The following RGS6 variants were observed in gnomAD, a reference collection of about 807,000 sequenced individuals.
The protein encoded by RGS6 is regulator of G-protein signaling 6.
Under a neutral mutation model 78.5 loss-of-function variants are expected in RGS6, and 30 were observed. The ratio of observed to expected loss-of-function variants is 0.38; its 90% CI spans 0.29 to 0.52. The LOEUF (loss-of-function observed/expected upper bound fraction) is 0.52, where lower values mean the gene tolerates loss of function less well. RGS6 is among the 20% of genes least tolerant of loss of function. The pLI, the probability that RGS6 is intolerant of heterozygous loss-of-function variation, is 0.85. For synonymous variants in RGS6, 206 were observed against 206.0 expected, an observed-to-expected ratio of 1.00 and a Z score of 0.00; for missense variants, 495 against 609.7, an observed-to-expected ratio of 0.81 and a Z score of 1.98.
intron 2 of RGS6, among the ~76,000 whole-genome samples, chr14:72,212,319 A>G (rs1237208899): frequency 6.6e-6 from 1 of 152,160 alleles, no homozygotes; most frequent in African/African-American, 2.4e-5. Flanking sequence ...TGATATTGAT[A>G]ACCTAAGCAA....
chr14:72,170,516 C>T (rs1270003369), intron 2 of RGS6, among the ~76,000 whole-genome samples: 3 of 152,136 alleles, frequency 2.0e-5, no homozygotes, highest in Admixed American at 6.6e-5. Flanking sequence ...TGCACAATTC[C>T]TATGAGAGCC....
At position 72,268,601 on chromosome 14, in the gene RGS6, C is replaced by T. The variant is rs977408102; in HGVS notation, c.85-83494C>T. On this transcript the variant is annotated intron_variant, in intron 2 of 17. Coordinates refer to ENST00000553525, the MANE Select transcript of RGS6 (RefSeq NM_001204424.2). ...ATGTGACTTTTCAGTCATTTTCACC[C>T]GAAATAGGATTTCATTCACCAGTTA... 1.3e-5 allele frequency among the ~76,000 whole-genome samples: 2 copies of T among 152,162 alleles called. 1 individual carries two copies. Among genetic ancestry groups the T allele is most frequent in the South Asian group, 4.1e-4 (2 of 4,824 alleles).
chr14:72,177,784 A>G (rs1398369897), intron 2 of RGS6, among the ~76,000 whole-genome samples: 1 of 152,204 alleles, frequency 6.6e-6, no homozygotes, highest in African/African-American at 2.4e-5. Context: ...GTTGTAAATG[A>G]CCAATTCTAG....
chr14:72,282,004 A>G (rs1486665073), intron 2 of RGS6, among the ~76,000 whole-genome samples: 1 of 152,214 alleles, frequency 6.6e-6, no homozygotes, highest in Admixed American at 6.5e-5. Flanking sequence ...GCTGCTATAA[A>G]ACTATCACTT....
chr14:72,134,385 T>C (rs1345971388), intron 2 of RGS6, among the ~76,000 whole-genome samples: 1 of 152,268 alleles, frequency 6.6e-6, no homozygotes, highest in African/African-American at 2.4e-5. Flanking sequence ...AGTCTGCACA[T>C]ATTCCTTCTG....
chr14:72,095,238 C>T (rs1387052504), intron 2 of RGS6, among the ~76,000 whole-genome samples: 1 of 151,992 alleles, frequency 6.6e-6, no homozygotes, highest in Non-Finnish European at 1.5e-5. Context: ...AGCAGAAGTG[C>T]ATTTGGCTGC....
chr14:72,542,631 G>A (rs2097341901), intron 17 of RGS6, among the ~76,000 whole-genome samples: 1 of 152,176 alleles, frequency 6.6e-6, no homozygotes, highest in African/African-American at 2.4e-5. Context: ...AAGACGTGAG[G>A]CCAATTACCA....
At chr14:72,360,216 A>T (rs959027203) in intron 3 of RGS6, among the ~76,000 whole-genome samples, 1 of 152,122 alleles carries the variant, frequency 6.6e-6, no homozygotes, top group Admixed American at 6.6e-5. Context: ...CATACAATTT[A>T]TTCATAGAAA....
At chr14:72,499,740 C>T (rs938351062) in intron 13 of RGS6, among the ~76,000 whole-genome samples, 3 of 151,970 alleles carry the variant, frequency 2.0e-5, no homozygotes, top group African/African-American at 4.8e-5. Flanking sequence ...GCCACTTGTC[C>T]CCCAGATCCT....
intron 2 of RGS6, among the ~76,000 whole-genome samples, chr14:72,030,980 AT>A (rs10581212): frequency 0.017 from 2,471 of 141,482 alleles, 21 homozygotes; most frequent in African/African-American, 0.03. Flanking sequence ...TTTAGCAACA[AT>A]TTTTTTTTTT....
chr14:72,480,843 A>C (rs1467092003), intron 12 of RGS6, among the ~76,000 whole-genome samples: 1 of 152,154 alleles, frequency 6.6e-6, no homozygotes. Context: ...ATCCCCCAGG[A>C]AACCGCATCC....
At chr14:72,265,395 G>A (rs1214487920) in intron 2 of RGS6, among the ~76,000 whole-genome samples, 1 of 152,142 alleles carries the variant, frequency 6.6e-6, no homozygotes, top group African/African-American at 2.4e-5. Context: ...AGGCCTGGGG[G>A]TTAAATGGAG....
At chr14:72,010,724 A>C (rs1205984655) in intron 2 of RGS6, among the ~76,000 whole-genome samples, 9 of 152,222 alleles carry the variant, frequency 5.9e-5, no homozygotes, top group Admixed American at 5.9e-4. Context: ...ATAACAATCT[A>C]ATTTTCCAAA....
chr14:72,497,607 A>C (rs2096662298), intron 13 of RGS6, among the ~76,000 whole-genome samples: 1 of 152,200 alleles, frequency 6.6e-6, no homozygotes, highest in Admixed American at 6.5e-5. Flanking sequence ...ACAAGAGTGA[A>C]GTATATAAAA....
At chr14:72,485,985 C>A (rs1001627212) in intron 12 of RGS6, among the ~76,000 whole-genome samples, 1 of 152,154 alleles carries the variant, frequency 6.6e-6, no homozygotes, top group East Asian at 1.9e-4. Flanking sequence ...TTCCCATAAT[C>A]CCCACACGTG....
chr14:72,338,705 C>T lies in RGS6; in HGVS notation c.85-13390C>T, dbSNP rs551820077. 1.1e-4 allele frequency among the ~76,000 whole-genome samples: 17 copies of T among 152,326 alleles called. No homozygotes were observed. The South Asian group carries it at 2.3e-3, about 20-fold the overall frequency. On this transcript the variant is annotated intron_variant, in intron 2 of 17. Coordinates refer to ENST00000553525, the MANE Select transcript of RGS6 (RefSeq NM_001204424.2). ...CTGGGGCTTGTTATGTGAGAAGTGA[C>T]GTTGGTGATACCTGCTTGGAAAGCA...
the RGS6 span, among the ~76,000 whole-genome samples, chr14:71,881,422 C>G: frequency 6.6e-6 from 1 of 152,172 alleles, no homozygotes; most frequent in Non-Finnish European, 1.5e-5. Flanking sequence ...CAAATCTCAT[C>G]TTGTATTGTA....
intron 2 of RGS6, among the ~76,000 whole-genome samples, chr14:72,194,567 G>T: frequency 6.6e-6 from 1 of 152,076 alleles, no homozygotes; most frequent in East Asian, 1.9e-4. Context: ...TCACTATGTT[G>T]CCCAGGCTGA....
At chr14:72,261,739 G>C (rs1415516357) in intron 2 of RGS6, among the ~76,000 whole-genome samples, 2 of 152,070 alleles carry the variant, frequency 1.3e-5, no homozygotes, top group South Asian at 4.2e-4. Flanking sequence ...ACCATTTTTG[G>C]GGGGGTTTGG....
Sources: gnomAD v4.1 joint callset for allele counts (sites outside exome capture counted in the v4.1 genomes callset) on GRCh38, gnomAD v4.1.1 for gene constraint, MANE v1.5 for transcripts, NCBI Gene and HGNC (gene_info 2026-07-23, HGNC 2026-07-21) for gene names.